SARS1: variants seen among roughly 807,000 people sequenced by gnomAD.
SARS1 encodes seryl-tRNA synthetase 1, also known as serine--tRNA ligase, cytoplasmic.
A neutral mutation model predicts 63.7 loss-of-function variants in SARS1; 25 were observed. The observed-to-expected ratio is 0.39, with a 90% CI of 0.29 to 0.55. The LOEUF (loss-of-function observed/expected upper bound fraction) is 0.55. Among genes scored for constraint, SARS1 ranks in the 20% least tolerant of loss-of-function variants. The probability of loss-of-function intolerance (pLI) is 0.62; values close to 1 mark genes in which losing one functional copy is unlikely to be tolerated. For synonymous variants in SARS1, 231 were observed against 243.5 expected, an observed-to-expected ratio of 0.95 and a Z score of 0.48; for missense variants, 417 against 649.7, an observed-to-expected ratio of 0.64 and a Z score of 3.89.
chr1:109,230,318 C>G (rs1413869031), intron 4 of SARS1, among the ~76,000 whole-genome samples: 3 of 151,934 alleles, frequency 2.0e-5, no homozygotes, highest in Non-Finnish European at 4.4e-5. Context: ...TGCTATAGAC[C>G]TCTTGGAAAA....
Position 109,237,381 on chromosome 1 carries a change from T to C in SARS1, c.1387+8T>C, listed in dbSNP as rs74854256. ...AGGAGTTCATGCCGCCAGGTAAAAC[T>C]CCCAGCTCATCTCATCGTTCTCCTC... On this transcript the variant is annotated splice_region_variant and intron_variant, in intron 10 of 10. Transcript: ENST00000234677. This position sits in a 1 kb window ranked among gnomAD's most constrained non-coding sequence, Gnocchi z 4.1. The C allele has an allele frequency of 1.6e-3, 2,576 of 1,614,194 alleles. 34 individuals are homozygous for C. In the African/African-American group the frequency reaches 0.031, roughly 19 times the overall value.
chr1:109,234,432 T>C (rs932531695), intron 6 of SARS1, among the ~76,000 whole-genome samples: 1 of 152,204 alleles, frequency 6.6e-6, no homozygotes, highest in Admixed American at 6.5e-5. Flanking sequence ...AACTTTGTCC[T>C]GTCTGAACTT....
chr1:109,230,988 C>T lies in SARS1; in HGVS notation c.558C>T (p.Ala186=), dbSNP rs752711105. ...ATGGCTTTGAAGGCGAAAAGGGGGC[C>T]GTGGTGGCTGGGAGTCGAGGGTACT... ...MVDGFEGEKG[A]VVAGSRGYFL... Residue 186 remains alanine, a synonymous_variant, in exon 5 of 11, where the codon GCC becomes GCT. Coordinates refer to ENST00000234677, the MANE Select transcript of SARS1 (RefSeq NM_006513.4). The T allele has an allele frequency of 6.5e-6, 10 of 1,546,284 alleles. No homozygotes were observed. The highest frequency in any genetic ancestry group is 4.9e-5 in the East Asian group (2 of 40,560).
intron 1 of SARS1, among the ~76,000 whole-genome samples, chr1:109,218,193 CAAAAAAAAA>C (rs35069915): frequency 1.0e-4 from 4 of 39,762 alleles, no homozygotes; most frequent in Admixed American, 3.3e-4. Flanking sequence ...ACTCTGTCTC[CAAAAAAAAA>C]AAAAAAAAAA....
At chr1:109,233,484 C>CTTTT (rs11375361) in intron 6 of SARS1, among the ~76,000 whole-genome samples, 1 of 146,154 alleles carries the variant, frequency 6.8e-6, no homozygotes. Context: ...TTCTTCCTTA[C>CTTTT]TTTTTTTTTT....
chr1:109,235,903 C>G lies in SARS1; in HGVS notation c.970-74C>G. The G allele has an allele frequency of 1.4e-6, 2 of 1,424,580 alleles. No individual in the cohort carries two copies. The highest frequency in any genetic ancestry group is 2.8e-5 in the South Asian group (2 of 72,714). The allele number at this position is 1,424,580 out of a possible 1,614,324, so 88.2% of individuals were successfully genotyped here. ...GTGGTGTGGAAACAGGTCTTCATGG[C>G]AAGGATGTCTCCCACTTCAGTCCTT... is the stretch of plus-strand genomic sequence containing the variant. On this transcript the variant is annotated intron_variant, in intron 7 of 10. Coordinates refer to ENST00000234677, the MANE Select transcript of SARS1 (RefSeq NM_006513.4). The surrounding 1 kb of genome is among the most constrained non-coding windows in gnomAD (Gnocchi z 4.7).
Position 109,214,803 on chromosome 1 carries a change from G to A in SARS1, c.136+675G>A, listed in dbSNP as rs765652260. The A allele has an allele frequency of 7.8e-5, 77 of 985,462 alleles. No homozygotes were observed. In the Middle Eastern group the frequency reaches 1.6e-3, roughly 20 times the overall value. The allele number at this position is 985,462 out of a possible 1,614,324, so 61.0% of individuals were successfully genotyped here. ...GACTGAAGCTGTTTAATTGTGATTT[G>A]TGGACGTTTTCCTTTAAAGACATTG... On this transcript the variant is annotated intron_variant, in intron 1 of 10. Coordinates refer to ENST00000234677, the MANE Select transcript of SARS1 (RefSeq NM_006513.4). This position sits in a 1 kb window ranked among gnomAD's most constrained non-coding sequence, Gnocchi z 4.6.
At chr1:109,219,335 CTATATA>C (rs112352590) in intron 1 of SARS1, among the ~76,000 whole-genome samples, 83 of 127,266 alleles carry the variant, frequency 6.5e-4, no homozygotes, top group Middle Eastern at 4.1e-3. Context: ...TATATACACA[CTATATA>C]TATATATATA....
chr1:109,229,096 C>T (rs985744529), intron 3 of SARS1, among the ~76,000 whole-genome samples: 1 of 152,068 alleles, frequency 6.6e-6, no homozygotes, highest in Non-Finnish European at 1.5e-5. Context: ...TCAGAAAGTG[C>T]AAATTAAGGG....
chr1:109,214,169 C>A lies in SARS1; in HGVS notation c.136+41C>A. On this transcript the variant is annotated intron_variant, in intron 1 of 10. Transcript: ENST00000234677. The surrounding 1 kb of genome is among the most constrained non-coding windows in gnomAD (Gnocchi z 4.6). The stretch of plus-strand genomic sequence containing the variant: ...GGCGGGTTACCTCCTTGATGCTAAA[C>A]CCAATTTTCTCTCTCAAATCCAGCC... The A allele has an allele frequency of 1.2e-6, 2 of 1,600,820 alleles. No individual in the cohort carries two copies. Among genetic ancestry groups the A allele is most frequent in the South Asian group, 1.1e-5 (1 of 89,666 alleles).
intron 1 of SARS1, chr1:109,216,061 C>T (rs564683721): frequency 3.8e-4 from 379 of 985,198 alleles, no homozygotes; most frequent in Middle Eastern, 5.2e-4. Flanking sequence ...ACAACCCTTT[C>T]CAATATTCTC....
intron 1 of SARS1, among the ~76,000 whole-genome samples, chr1:109,221,070 T>C (rs1654915133): frequency 6.6e-6 from 1 of 151,356 alleles, no homozygotes; most frequent in African/African-American, 2.4e-5. Context: ...TCTTTTTTTT[T>C]TTTTTTCTTG....
chr1:109,236,277 G>A, intron 8 of SARS1, 114 bp from the exon 9 acceptor site: 1 of 1,319,712 alleles, frequency 7.6e-7, no homozygotes, highest in Non-Finnish European at 1.1e-6. Context: ...ATATCTGGGT[G>A]TGATTTCACC....
In SARS1 at chr1:109,235,231, A is replaced by T; in HGVS notation, c.769A>T (p.Lys257Ter). The change falls in exon 7 of 11, where the codon AAG becomes TAG. Residue 257 changes from lysine to a stop codon, truncating the protein, a stop_gained. Coordinates refer to ENST00000234677, the MANE Select transcript of SARS1 (RefSeq NM_006513.4). LOFTEE classifies it high-confidence loss of function. This position sits in a 1 kb window ranked among gnomAD's most constrained non-coding sequence, Gnocchi z 4.7. ...LYKVIGKGSE[K>*]SDDNSYDEKY... ...ACAGGTGATTGGCAAAGGCAGTGAA[A>T]AGTCTGATGACAACTCCTATGATGA... 1 of 1,614,142 alleles carries T rather than the reference A, an allele frequency of 6.2e-7. No homozygotes were observed. The highest frequency in any genetic ancestry group is 8.5e-7 in the Non-Finnish European group (1 of 1,179,992).
At chr1:109,222,271 C>T (rs1654966368) in intron 1 of SARS1, among the ~76,000 whole-genome samples, 1 of 151,720 alleles carries the variant, frequency 6.6e-6, no homozygotes, top group Non-Finnish European at 1.5e-5. Flanking sequence ...AGAAAGGTCC[C>T]GTTTTCCCCA....
intron 1 of SARS1, chr1:109,216,777 C>A: frequency 2.2e-6 from 1 of 450,618 alleles, no homozygotes; most frequent in Non-Finnish European, 2.9e-6. Flanking sequence ...GCAATGCCAC[C>A]ATGCCTGGCT....
chr1:109,228,303 C>T (rs1249535368), intron 2 of SARS1, 49 bp from the exon 3 acceptor site: 3 of 1,339,810 alleles, frequency 2.2e-6, no homozygotes, highest in East Asian at 4.6e-5. Context: ...AAAACAATGC[C>T]AGAGATTTTC....
intron 1 of SARS1, among the ~76,000 whole-genome samples, chr1:109,222,066 G>A (rs1436660041): frequency 4.7e-5 from 5 of 106,652 alleles, no homozygotes; most frequent in South Asian, 6.8e-4. Flanking sequence ...GTTTTGCCAC[G>A]TTGCCCAGGC....
intron 1 of SARS1, among the ~76,000 whole-genome samples, chr1:109,221,504 T>C (rs181264238): frequency 6.6e-6 from 1 of 152,234 alleles, no homozygotes; most frequent in East Asian, 1.9e-4. Flanking sequence ...AATAAAAGAT[T>C]GGAATGGAAG....
Sources: gnomAD v4.1 joint callset for allele counts (sites outside exome capture counted in the v4.1 genomes callset) on GRCh38, gnomAD v4.1.1 for gene constraint, Gnocchi (gnomAD v3.1) non-coding constraint, MANE v1.5 for transcripts, NCBI Gene and HGNC (gene_info 2026-07-23, HGNC 2026-07-21) for gene names.